Variants in CEP350 observed in about 807,000 individuals in gnomAD.
CEP350 encodes centrosomal protein 350.
In CEP350, 126 loss-of-function variants were observed where a neutral mutation model predicts 331.8. The ratio of observed to expected loss-of-function variants is 0.38; its 90% CI spans 0.33 to 0.44. The LOEUF (loss-of-function observed/expected upper bound fraction) is 0.44, where lower values mean the gene tolerates loss of function less well. Ranked by LOEUF, CEP350 falls within the 20% of genes least tolerant of loss-of-function variation. The pLI is 1.00. For synonymous variants in CEP350, 1,200 were observed against 1,259.5 expected (o/e 0.95, Z 1.00); for missense variants, 3,406 against 3,634.6 (o/e 0.94, Z 1.62).
chr1:179,974,772 G>T (rs1651727480), intron 1 of CEP350, among the ~76,000 whole-genome samples: 1 of 152,172 alleles, frequency 6.6e-6, no homozygotes, highest in Admixed American at 6.6e-5. Flanking sequence ...CAGGAGGATT[G>T]CTTGAGGCCA....
At chr1:180,052,253 G>C (rs1022792927) in intron 22 of CEP350, 3 of 452,300 alleles carry the variant, frequency 6.6e-6, no homozygotes, top group African/African-American at 6.0e-5. Context: ...CACCCAGGCT[G>C]GTCTCGAACT....
chr1:180,100,018 A>G (rs1308436229), intron 37 of CEP350, among the ~76,000 whole-genome samples: 1 of 152,002 alleles, frequency 6.6e-6, no homozygotes, highest in African/African-American at 2.4e-5. Context: ...ACTCCTGACC[A>G]CAAGTGATCC....
At chr1:180,100,486 C>G (rs1439434424) in intron 37 of CEP350, among the ~76,000 whole-genome samples, 1 of 152,112 alleles carries the variant, frequency 6.6e-6, no homozygotes, top group Admixed American at 6.5e-5. Context: ...TGATGATATC[C>G]CCTATAAATC....
intron 29 of CEP350, 125 bp from the exon 30 acceptor site, chr1:180,080,392 A>G: frequency 1.3e-6 from 1 of 799,288 alleles, no homozygotes; most frequent in Admixed American, 2.9e-5. Context: ...TTTTTCACTT[A>G]TGTCTTAACA....
At chr1:180,004,923 C>CTTTCTTTCTTTCTT (rs1558093228) in intron 7 of CEP350, among the ~76,000 whole-genome samples, 2 of 76,044 alleles carry the variant, frequency 2.6e-5, no homozygotes, top group Non-Finnish European at 3.3e-5. Context: ...TTCTTTCTTT[C>CTTTCTTTCTTTCTT]TTTCTTTCTT....
intron 30 of CEP350, among the ~76,000 whole-genome samples, chr1:180,082,412 T>C (rs1571972726): frequency 6.6e-6 from 1 of 152,182 alleles, no homozygotes; most frequent in Admixed American, 6.5e-5. Flanking sequence ...GTGTGTCAAA[T>C]AATCAGAAAC....
At chr1:180,003,032 G>A in intron 6 of CEP350, 142 bp from the exon 7 acceptor site, 1 of 589,678 alleles carries the variant, frequency 1.7e-6, no homozygotes, top group Non-Finnish European at 3.0e-6. Context: ...GCAATTTTGT[G>A]AATATACTAT....
At chr1:179,966,393 A>G (rs913797280) in intron 1 of CEP350, among the ~76,000 whole-genome samples, 4 of 152,172 alleles carry the variant, frequency 2.6e-5, no homozygotes, top group African/African-American at 7.2e-5. Flanking sequence ...GTAAGATTTC[A>G]TCATTTTTGT....
At chr1:180,085,030 C>CCTTTCCT (rs897216976) in intron 31 of CEP350, among the ~76,000 whole-genome samples, 5 of 151,008 alleles carry the variant, frequency 3.3e-5, no homozygotes, top group African/African-American at 1.2e-4. Context: ...TTCCCTTCCC[C>CCTTTCCT]CTTTCCTCTT....
intron 27 of CEP350, among the ~76,000 whole-genome samples, chr1:180,067,224 C>T (rs1345603391): frequency 6.6e-6 from 1 of 152,280 alleles, no homozygotes; most frequent in Non-Finnish European, 1.5e-5. Context: ...TATTATTCCT[C>T]TACCTTTCCT....
At chr1:180,023,695 A>T (rs1296193297) in intron 13 of CEP350, among the ~76,000 whole-genome samples, 2 of 152,210 alleles carry the variant, frequency 1.3e-5, no homozygotes, top group African/African-American at 4.8e-5. Context: ...TTAGACAGCA[A>T]ACTGAAGCAG....
chr1:179,987,235 C>T lies in CEP350; in HGVS notation c.74-5C>T. On this transcript the variant is annotated splice_polypyrimidine_tract_variant and splice_region_variant and intron_variant, in intron 2 of 37. Transcript: ENST00000367607. Reference sequence around the variant, plus strand: ...TGATAAAGTAAATATCATTTTTTTTCCCAGCAGATATAACCACATCGTGGG... The same window carrying T: ...TGATAAAGTAAATATCATTTTTTTTTCCAGCAGATATAACCACATCGTGGG... 1 of 1,494,688 alleles carries T rather than the reference C, an allele frequency of 6.7e-7. No homozygotes were observed. Among genetic ancestry groups the T allele is most frequent in the Non-Finnish European group, 9.2e-7 (1 of 1,086,428 alleles). The allele number at this position is 1,494,688 out of a possible 1,614,324, so 92.6% of individuals were successfully genotyped here.
intron 5 of CEP350, among the ~76,000 whole-genome samples, chr1:179,992,614 T>G (rs1247232050): frequency 3.3e-5 from 5 of 152,152 alleles, no homozygotes; most frequent in South Asian, 2.1e-4. Flanking sequence ...TCTTTTTTTT[T>G]GGGTAGCATT....
rs183216183 is a variant in CEP350, at chr1:180,055,696, C to T, written c.5262+1194C>T. The stretch of plus-strand genomic sequence containing the variant: ...TGAGTAGCTGGGACTACAGCCCCCA[C>T]CACCGCGCCTGGCTAATTTTTTTGT... On this transcript the variant is annotated intron_variant, in intron 25 of 37. Coordinates refer to ENST00000367607, the MANE Select transcript of CEP350 (RefSeq NM_014810.5). Among the ~76,000 whole-genome samples, 5 of 151,854 alleles carry T rather than the reference C, an allele frequency of 3.3e-5. No homozygotes were observed. In the East Asian group the frequency reaches 9.7e-4, roughly 29 times the overall value.
At chr1:180,052,167 CTG>C in intron 22 of CEP350, 1 of 452,886 alleles carries the variant, frequency 2.2e-6, no homozygotes, top group Non-Finnish European at 4.4e-6. Flanking sequence ...AGTGATACAA[CTG>C]TAGTAACAAG....
intron 26 of CEP350, among the ~76,000 whole-genome samples, chr1:180,063,804 C>A (rs1658386461): frequency 1.2e-5 from 1 of 84,980 alleles, no homozygotes; most frequent in African/African-American, 3.0e-5. Context: ...TAAAGCAAGA[C>A]CCTGTCTCAA....
intron 1 of CEP350, among the ~76,000 whole-genome samples, chr1:179,962,456 CT>C (rs1350994512): frequency 6.6e-6 from 1 of 152,190 alleles, no homozygotes; most frequent in East Asian, 1.9e-4. Context: ...GTTGCTCACG[CT>C]GGAGCGCAGT....
chr1:180,036,887 A>G (rs1656387226), intron 16 of CEP350, 39 bp from the exon 17 acceptor site: 2 of 1,461,144 alleles, frequency 1.4e-6, no homozygotes, highest in Middle Eastern at 1.8e-4. Flanking sequence ...GTGTAATTTC[A>G]TGTTAACTTT....
intron 14 of CEP350, among the ~76,000 whole-genome samples, chr1:180,029,897 T>G (rs1163929469): frequency 3.3e-5 from 5 of 152,200 alleles, no homozygotes; most frequent in Non-Finnish European, 5.9e-5. Context: ...TCTAGCTGTG[T>G]CATGTAAGTG....
Sources: gnomAD v4.1 joint callset for allele counts (sites outside exome capture counted in the v4.1 genomes callset) on GRCh38, gnomAD v4.1.1 for gene constraint, MANE v1.5 for transcripts, NCBI Gene and HGNC (gene_info 2026-07-23, HGNC 2026-07-21) for gene names.